Variants in GAS7 observed in about 807,000 individuals in gnomAD.
GAS7 encodes the protein growth arrest specific 7, also known as growth arrest-specific protein 7.
GAS7 carries 28 observed loss-of-function variants against 71.1 expected under a neutral mutation model. The observed-to-expected ratio is 0.39, with a 90% CI of 0.29 to 0.54. GAS7 has a LOEUF of 0.54. Ranked by LOEUF, GAS7 falls within the 20% of genes least tolerant of loss-of-function variation. The probability of loss-of-function intolerance (pLI) is 0.62; values close to 1 mark genes in which losing one functional copy is unlikely to be tolerated. For synonymous variants in GAS7, 258 were observed against 245.8 expected, an observed-to-expected ratio of 1.05 and a Z score of -0.46; for missense variants, 436 against 627.8, an observed-to-expected ratio of 0.69 and a Z score of 3.27.
intron 1 of GAS7, among the ~76,000 whole-genome samples, chr17:10,118,645 A>C (rs902931445): frequency 1.4e-5 from 2 of 138,552 alleles, no homozygotes; most frequent in Non-Finnish European, 3.0e-5. Flanking sequence ...CGGAGGTTAC[A>C]GTGAGCTGAG....
chr17:10,138,770 A>AAAAAAC (rs2074059765), intron 1 of GAS7, among the ~76,000 whole-genome samples: 1 of 152,194 alleles, frequency 6.6e-6, no homozygotes, highest in Non-Finnish European at 1.5e-5. Context: ...CCGTCTCAAA[A>AAAAAAC]AAAAACAAAA....
Position 9,913,422 on chromosome 17 carries a change from T to C in GAS7, c.*3806A>G. On this transcript the variant is annotated 3_prime_UTR_variant, in exon 14 of 14. Coordinates refer to ENST00000432992, the MANE Select transcript of GAS7 (RefSeq NM_201433.2). ...AACAAGCCAAGGTCGCTGATGTCCT[T>C]CGAATGTTATGGCTTGTATTTCCAA... 1 of 232,796 alleles carries C rather than the reference T, an allele frequency of 4.3e-6. No individual in the cohort carries two copies. The highest frequency in any genetic ancestry group is 8.5e-6 in the Non-Finnish European group (1 of 117,484). 14.4% of individuals were successfully genotyped at this position (232,796 alleles called of 1,614,324 possible).
At chr17:10,187,166 A>G (rs991043951) in intron 1 of GAS7, among the ~76,000 whole-genome samples, 1 of 152,204 alleles carries the variant, frequency 6.6e-6, no homozygotes, top group African/African-American at 2.4e-5. Context: ...GTCATGTGTC[A>G]TTCCTGGGCA....
chr17:10,170,038 G>A (rs917847824), intron 1 of GAS7, among the ~76,000 whole-genome samples: 9 of 151,992 alleles, frequency 5.9e-5, no homozygotes, highest in Non-Finnish European at 1.2e-4. Flanking sequence ...CATTGGTCTC[G>A]CTCTCAAAAT....
intron 1 of GAS7, among the ~76,000 whole-genome samples, chr17:10,177,429 G>A (rs2074381025): frequency 6.6e-6 from 1 of 152,104 alleles, no homozygotes; most frequent in Non-Finnish European, 1.5e-5. Context: ...AAGCAATGGG[G>A]AGCCAGTGGA....
In GAS7 at chr17:9,911,662, G is replaced by C. The variant is rs781254218; in HGVS notation, c.*5566C>G. 37 of 232,624 alleles carry C rather than the reference G, an allele frequency of 1.6e-4. No individual in the cohort carries two copies. Among genetic ancestry groups the C allele is most frequent in the Non-Finnish European group, 3.1e-4 (36 of 117,730 alleles). The allele number at this position is 232,624 out of a possible 1,614,324, so 14.4% of individuals were successfully genotyped here. On this transcript the variant is annotated 3_prime_UTR_variant, in exon 14 of 14. Coordinates refer to ENST00000432992, the MANE Select transcript of GAS7 (RefSeq NM_201433.2). The surrounding 1 kb of genome is among the most constrained non-coding windows in gnomAD (Gnocchi z 4.0). ...AAGCCTCAACAAAAATACTCCTGAGGGGGAGACAAGAGTCCTCCCCGGCAA... is the reference window on the plus strand; with the variant it reads ...AAGCCTCAACAAAAATACTCCTGAGCGGGAGACAAGAGTCCTCCCCGGCAA...
intron 1 of GAS7, among the ~76,000 whole-genome samples, chr17:10,145,828 G>A (rs1384943938): frequency 2.0e-5 from 3 of 152,126 alleles, no homozygotes; most frequent in African/African-American, 4.8e-5. Flanking sequence ...GCTCTCTAAG[G>A]GCAGTAACCC....
At chr17:10,059,523 A>G (rs928115179) in intron 1 of GAS7, among the ~76,000 whole-genome samples, 6 of 152,232 alleles carry the variant, frequency 3.9e-5, no homozygotes, top group African/African-American at 1.4e-4. Flanking sequence ...AAGACAGAAG[A>G]ATCCCCCAAA....
At chr17:9,948,913 T>C (rs2068894516) in intron 5 of GAS7, among the ~76,000 whole-genome samples, 1 of 152,196 alleles carries the variant, frequency 6.6e-6, no homozygotes, top group South Asian at 2.1e-4. Flanking sequence ...TATAAGTCTT[T>C]AACCCCTTCT....
chr17:10,168,914 G>A (rs1325319821), intron 1 of GAS7, among the ~76,000 whole-genome samples: 2 of 149,664 alleles, frequency 1.3e-5, no homozygotes, highest in African/African-American at 2.5e-5. Flanking sequence ...AGCTTGCAGT[G>A]AGCCGAGATC....
At position 9,981,018 on chromosome 17, in the gene GAS7, G is replaced by A. The variant is rs774206646; in HGVS notation, c.385+786C>T. Among the ~76,000 whole-genome samples the A allele has an allele frequency of 3.0e-4, 45 of 152,134 alleles. No individual in the cohort carries two copies. Among genetic ancestry groups the A allele is most frequent in the Middle Eastern group, 3.2e-3 (1 of 316 alleles). On this transcript the variant is annotated intron_variant, in intron 3 of 13. Coordinates refer to ENST00000432992, the MANE Select transcript of GAS7 (RefSeq NM_201433.2). The surrounding 1 kb of genome is among the most constrained non-coding windows in gnomAD (Gnocchi z 4.4). Reference sequence around the variant, plus strand: ...ATAGGAATGTCCATTTCAGCCAGGCGCGGTGGCTCACACCTTTAATCCCAG... The same window carrying A: ...ATAGGAATGTCCATTTCAGCCAGGCACGGTGGCTCACACCTTTAATCCCAG...
rs1003218568 is a variant in GAS7 at position 10,026,551 on chromosome 17, G to A, written c.184-6654C>T. Among the ~76,000 whole-genome samples, 5 of 152,316 alleles carry A rather than the reference G, an allele frequency of 3.3e-5. No individual in the cohort carries two copies. Among genetic ancestry groups the A allele is most frequent in the South Asian group, 2.1e-4 (1 of 4,826 alleles). On this transcript the variant is annotated intron_variant, in intron 1 of 13. Transcript: ENST00000432992. This position sits in a 1 kb window ranked among gnomAD's most constrained non-coding sequence, Gnocchi z 4.5. ...AAGCAGCCAGGGCATGGCTGGGCAC[G>A]CCTGGGAAGGTTGAGTCCCGGAGTA...
chr17:9,955,130 C>G (rs1284226795), intron 5 of GAS7, among the ~76,000 whole-genome samples: 1 of 152,182 alleles, frequency 6.6e-6, no homozygotes, highest in Non-Finnish European at 1.5e-5. Context: ...CTGTGACATC[C>G]AGACCTCAAA....
intron 1 of GAS7, among the ~76,000 whole-genome samples, chr17:10,150,446 AC>A (rs2142106866): frequency 7.0e-6 from 1 of 143,032 alleles, no homozygotes; most frequent in East Asian, 2.0e-4. Flanking sequence ...ACACACACAC[AC>A]ACACAAAGTG....
At chr17:10,145,628 AG>A (rs1477348814) in intron 1 of GAS7, among the ~76,000 whole-genome samples, 1 of 152,204 alleles carries the variant, frequency 6.6e-6, no homozygotes, top group Admixed American at 6.5e-5. Flanking sequence ...GCATGGGTTC[AG>A]GGGGCATTGG....
intron 1 of GAS7, among the ~76,000 whole-genome samples, chr17:10,063,856 G>A (rs914793513): frequency 2.0e-5 from 3 of 152,178 alleles, no homozygotes; most frequent in African/African-American, 7.2e-5. Context: ...CCCTTGCACG[G>A]GTGGTGAGGG....
chr17:10,125,229 A>G (rs564662972), intron 1 of GAS7, among the ~76,000 whole-genome samples: 28 of 152,184 alleles, frequency 1.8e-4, no homozygotes, highest in Non-Finnish European at 3.7e-4. Context: ...TAAAAAAAAT[A>G]GGTCAAGGCT....
chr17:9,963,127 A>G lies in GAS7; in HGVS notation c.472-3872T>C, dbSNP rs142685688. On this transcript the variant is annotated intron_variant, in intron 4 of 13. Coordinates refer to ENST00000432992, the MANE Select transcript of GAS7 (RefSeq NM_201433.2). ...AACTTGGATGAAACGTTCTATCCAT[A>G]CGACAGAATATTCTTCTGTCATAAA... 4.0e-3 allele frequency among the ~76,000 whole-genome samples: 603 copies of G among 152,260 alleles called. 5 individuals carry two copies. Among genetic ancestry groups the G allele is most frequent in the African/African-American group, 0.014 (580 of 41,544 alleles).
intron 1 of GAS7, among the ~76,000 whole-genome samples, chr17:10,075,551 T>C (rs2073381104): frequency 6.6e-6 from 1 of 151,912 alleles, no homozygotes; most frequent in South Asian, 2.1e-4. Flanking sequence ...TCCCAGCACT[T>C]TGGAAGGCCG....
Sources: allele counts gnomAD v4.1 joint callset (sites outside exome capture counted in the v4.1 genomes callset), GRCh38; gene constraint gnomAD v4.1.1; non-coding constraint Gnocchi (gnomAD v3.1); transcripts MANE v1.5; gene names NCBI Gene and HGNC (gene_info 2026-07-23, HGNC 2026-07-21).